TP73: variants seen among roughly 807,000 people sequenced by gnomAD.
The protein encoded by TP73 is tumor protein p73, also known as p53-like transcription factor.
In TP73, 25 loss-of-function variants were observed where a neutral mutation model predicts 62.5. The ratio of observed to expected loss-of-function variants is 0.40; its 90% CI spans 0.29 to 0.56. The LOEUF (loss-of-function observed/expected upper bound fraction) is 0.56. Among genes scored for constraint, TP73 ranks in the 20% least tolerant of loss-of-function variants. TP73 has a pLI of 0.46. For synonymous variants in TP73, 423 were observed against 377.5 expected (o/e 1.12, Z -1.40); for missense variants, 754 against 913.3 (o/e 0.83, Z 2.25).
intron 1 of TP73, among the ~76,000 whole-genome samples, chr1:3,665,562 C>T (rs895572917): frequency 3.3e-5 from 5 of 151,946 alleles, no homozygotes; most frequent in South Asian, 2.1e-4. Flanking sequence ...ACTTTAAAAC[C>T]GGAAGGACTT....
chr1:3,707,606 G>A lies in TP73; in HGVS notation c.244G>A (p.Ala82Thr), dbSNP rs773826965. The change falls in exon 4 of 14, where the codon GCC (alanine) becomes ACC (threonine). Residue 82 changes from alanine to threonine, a missense_variant. Physicochemically the swap from Ala to Thr is moderately conservative, Grantham distance 58. Transcript: ENST00000378295. ...MDQMSSRAASASPYTPEHAAS... is the reference protein window; with the variant it reads ...MDQMSSRAASTSPYTPEHAAS... ...CCAGATGAGCAGCCGCGCGGCCTCGGCCAGCCCCTACACCCCAGAGCACGC... is the reference window on the plus strand; with the variant it reads ...CCAGATGAGCAGCCGCGCGGCCTCGACCAGCCCCTACACCCCAGAGCACGC... 1.7e-5 allele frequency: 28 copies of A among 1,612,520 alleles called. No individual in the cohort carries two copies. Among genetic ancestry groups the A allele is most frequent in the Non-Finnish European group, 2.2e-5 (26 of 1,179,822 alleles).
intron 4 of TP73, among the ~76,000 whole-genome samples, chr1:3,709,077 G>A (rs1002298046): frequency 6.6e-6 from 1 of 152,236 alleles, no homozygotes; most frequent in African/African-American, 2.4e-5. Context: ...CGGAGCCTAA[G>A]GTAGACTGTC....
chr1:3,703,656 TG>T (rs1324439207), intron 3 of TP73, among the ~76,000 whole-genome samples: 21 of 152,238 alleles, frequency 1.4e-4, no homozygotes, highest in African/African-American at 5.1e-4. Flanking sequence ...CACGTTGTCG[TG>T]GGTCTGCATC....
chr1:3,676,865 C>T (rs1490459191), intron 1 of TP73, among the ~76,000 whole-genome samples: 1 of 151,852 alleles, frequency 6.6e-6, no homozygotes, highest in Non-Finnish European at 1.5e-5. Context: ...GGCGTGCGTT[C>T]TGCTGTGGGC....
rs567157361 is a variant in TP73 at position 3,699,733 on chromosome 1, C to T, written c.187-7816C>T. 6.6e-6 allele frequency among the ~76,000 whole-genome samples: 1 copy of T among 152,270 alleles called. No individual in the cohort carries two copies. The highest frequency in any genetic ancestry group is 2.4e-5 in the African/African-American group (1 of 41,562). On this transcript the variant is annotated intron_variant, in intron 3 of 13. Coordinates refer to ENST00000378295, the MANE Select transcript of TP73 (RefSeq NM_005427.4). This position sits in a 1 kb window ranked among gnomAD's most constrained non-coding sequence, Gnocchi z 4.1. ...AAATGCCGGGCGGGGAGCAGGGATG[C>T]TCGGGCGGGGGCAGGAGCTGGAGAG...
intron 1 of TP73, among the ~76,000 whole-genome samples, chr1:3,671,147 C>T (rs1270349472): frequency 1.3e-5 from 2 of 152,194 alleles, no homozygotes; most frequent in Non-Finnish European, 2.9e-5. Flanking sequence ...TCGGCTGGCA[C>T]CTGTCCAGGT....
rs111292943 is a variant in TP73, at chr1:3,727,691, A to G, written c.906A>G (p.Arg302=). 23 of 1,591,058 alleles carry G rather than the reference A, an allele frequency of 1.4e-5. No individual in the cohort carries two copies. The African/African-American group carries it at 1.9e-4, about 13-fold the overall frequency. ...GRICACPGRD[R]KADEDHYREQ... Reference sequence around the variant, plus strand: ...TCTGCGCCTGTCCTGGCCGCGACCGAAAAGCTGATGAGGACCACTACCGGG... The same window carrying G: ...TCTGCGCCTGTCCTGGCCGCGACCGGAAAGCTGATGAGGACCACTACCGGG... Residue 302 remains arginine (R), a synonymous_variant, in exon 8 of 14, where the codon CGA becomes CGG. Coordinates refer to ENST00000378295, the MANE Select transcript of TP73 (RefSeq NM_005427.4).
chr1:3,680,659 C>T (rs1464650794), intron 1 of TP73, among the ~76,000 whole-genome samples: 1 of 152,228 alleles, frequency 6.6e-6, no homozygotes, highest in Non-Finnish European at 1.5e-5. Flanking sequence ...AGGGACCCAC[C>T]GTGGGGTATG....
chr1:3,721,901 T>C, intron 4 of TP73, 120 bp from the exon 5 acceptor site: 1 of 1,071,716 alleles, frequency 9.3e-7, no homozygotes, highest in Non-Finnish European at 1.3e-6. Context: ...TGGGGCAGTC[T>C]TCATCTGGGG....
intron 3 of TP73, among the ~76,000 whole-genome samples, chr1:3,704,702 C>T (rs983836923): frequency 1.3e-5 from 2 of 152,228 alleles, no homozygotes; most frequent in African/African-American, 4.8e-5. Flanking sequence ...AGGTCTCAGA[C>T]ACCTCAGAGG....
rs568300622 is a variant in TP73, at chr1:3,666,078, C to G, written c.-34+13437C>G. 2.1e-5 allele frequency among the ~76,000 whole-genome samples: 3 copies of G among 142,244 alleles called. No homozygotes were observed. In the East Asian group the frequency reaches 6.1e-4, roughly 29 times the overall value. The allele number at this position is 142,244 out of a possible 152,430, so 93.3% of individuals were successfully genotyped here. The stretch of plus-strand genomic sequence containing the variant: ...GGCGGAGTTTGTGGTGAGCTGAGAT[C>G]GCACCATTGTACTCCAGCCTGGGCA... On this transcript the variant is annotated intron_variant, in intron 1 of 13. Transcript: ENST00000378295. The surrounding 1 kb of genome is among the most constrained non-coding windows in gnomAD (Gnocchi z 6.4).
In TP73 at chr1:3,727,804, G is replaced by A. The variant is rs539454673; in HGVS notation, c.985+34G>A. Reference sequence around the variant, plus strand: ...CCGGCCAGGGGAACTGGACGCGTGTGGGAGGAGAAGGGGACACATTGGCAG... The same window carrying A: ...CCGGCCAGGGGAACTGGACGCGTGTAGGAGGAGAAGGGGACACATTGGCAG... On this transcript the variant is annotated intron_variant, in intron 8 of 13. Coordinates refer to ENST00000378295, the MANE Select transcript of TP73 (RefSeq NM_005427.4). 39 of 1,499,618 alleles carry A rather than the reference G, an allele frequency of 2.6e-5. 1 individual carries two copies. The East Asian group carries it at 3.2e-4, about 12-fold the overall frequency. The allele number at this position is 1,499,618 out of a possible 1,614,324, so 92.9% of individuals were successfully genotyped here.
In TP73 at chr1:3,700,660, A is replaced by T. The variant is rs112071459; in HGVS notation, c.187-6889A>T. Reference sequence around the variant, plus strand: ...TAAAAATACAAAAATTAGCGTCTGTAATCCCAGCTACTGGGGAGGCTGAGG... The same window carrying T: ...TAAAAATACAAAAATTAGCGTCTGTTATCCCAGCTACTGGGGAGGCTGAGG... On this transcript the variant is annotated intron_variant, in intron 3 of 13. Coordinates refer to ENST00000378295, the MANE Select transcript of TP73 (RefSeq NM_005427.4). 7.5e-3 allele frequency among the ~76,000 whole-genome samples: 1,146 copies of T among 152,158 alleles called. 15 individuals are homozygous for T. Among genetic ancestry groups the T allele is most frequent in the African/African-American group, 0.026 (1,063 of 41,502 alleles).
At chr1:3,658,651 A>G (rs994072195) in intron 1 of TP73, among the ~76,000 whole-genome samples, 3 of 152,256 alleles carry the variant, frequency 2.0e-5, no homozygotes, top group Admixed American at 1.3e-4. Context: ...AATTTTCTTT[A>G]GAAAAGAGAG....
chr1:3,727,062 G>T, intron 6 of TP73, 53 bp from the exon 7 acceptor site: 1 of 1,523,908 alleles, frequency 6.6e-7, no homozygotes, highest in Non-Finnish European at 9.0e-7. Context: ...CCACCTTAGT[G>T]GATTGGGGCT....
intron 1 of TP73, among the ~76,000 whole-genome samples, chr1:3,655,159 G>T (rs978458113): frequency 6.6e-6 from 1 of 152,240 alleles, no homozygotes; most frequent in Non-Finnish European, 1.5e-5. Flanking sequence ...GGCCGAGGTG[G>T]GTGGATCACT....
At chr1:3,653,280 G>A (rs959008691) in intron 1 of TP73, among the ~76,000 whole-genome samples, 1 of 152,238 alleles carries the variant, frequency 6.6e-6, no homozygotes, top group African/African-American at 2.4e-5. Flanking sequence ...AGCGGTCCCA[G>A]GTAGAGAAAG....
chr1:3,698,718 G>A (rs765434217), intron 3 of TP73, among the ~76,000 whole-genome samples: 1 of 152,184 alleles, frequency 6.6e-6, no homozygotes, highest in East Asian at 1.9e-4. Flanking sequence ...CACAGTGGGC[G>A]GCTCAAATGT....
chr1:3,664,604 C>T (rs981841186), intron 1 of TP73, among the ~76,000 whole-genome samples: 45 of 152,358 alleles, frequency 3.0e-4, no homozygotes, highest in African/African-American at 1.1e-3. Flanking sequence ...TCTTCCACAG[C>T]CTCCTGGCCT....
Sources: gnomAD v4.1 joint callset for allele counts (sites outside exome capture counted in the v4.1 genomes callset) on GRCh38, gnomAD v4.1.1 for gene constraint, Gnocchi (gnomAD v3.1) non-coding constraint, MANE v1.5 for transcripts, NCBI Gene and HGNC (gene_info 2026-07-23, HGNC 2026-07-21) for gene names.